EPB41L2: variants seen among roughly 807,000 people sequenced by gnomAD.
The protein encoded by EPB41L2 is band 4.1-like protein 2.
A neutral mutation model predicts 113.0 loss-of-function variants in EPB41L2; 43 were observed. The observed-to-expected ratio is 0.38, with a 90% CI of 0.30 to 0.49. The LOEUF (loss-of-function observed/expected upper bound fraction) is 0.49, where lower values mean the gene tolerates loss of function less well. EPB41L2 is among the 20% of genes least tolerant of loss of function. The pLI is 0.95. For missense variants in EPB41L2, 1,147 were observed against 1,223.4 expected, an observed-to-expected ratio of 0.94 and a Z score of 0.93; for synonymous variants, 442 against 436.7, an observed-to-expected ratio of 1.01 and a Z score of -0.15.
rs199908222 is a variant in EPB41L2, at chr6:131,044,237, GCT to G, written c.-15+18916_-15+18917del. Among the ~76,000 whole-genome samples, 983 of 151,762 alleles carry G rather than the reference GCT, an allele frequency of 6.5e-3. 17 individuals are homozygous for G. Among genetic ancestry groups the G allele is most frequent in the African/African-American group, 0.023 (948 of 41,340 alleles). ...GATGGAGTTTCACCATGTTGCCCCG[GCT>G]GGTCTCAAACTCCTGGGCCGAAGTG... On this transcript the variant is annotated intron_variant, in intron 1 of 19. Coordinates refer to ENST00000337057, the MANE Select transcript of EPB41L2 (RefSeq NM_001431.4).
chr6:131,031,934 C>A (rs1792239624), intron 1 of EPB41L2, among the ~76,000 whole-genome samples: 1 of 152,094 alleles, frequency 6.6e-6, no homozygotes, highest in Admixed American at 6.5e-5. Flanking sequence ...TACACTTACT[C>A]CAAAGTGAAG....
intron 1 of EPB41L2, among the ~76,000 whole-genome samples, chr6:131,052,231 C>T (rs531928494): frequency 3.3e-5 from 5 of 152,228 alleles, no homozygotes; most frequent in African/African-American, 9.6e-5. Context: ...GCCACTGCAC[C>T]CAGCCACTGA....
At position 130,890,323 on chromosome 6, in the gene EPB41L2, C is replaced by T; in HGVS notation, c.1631G>A (p.Ser544Asn). 1 of 1,613,074 alleles carries T rather than the reference C, an allele frequency of 6.2e-7. No homozygotes were observed. Among genetic ancestry groups the T allele is most frequent in the South Asian group, 1.1e-5 (1 of 90,884 alleles). ...RPAPHFERTS[S>N]KRVSRSLDGA... is the part of the protein sequence containing the mutation. ...ATCTAGACTCCTGGAGACCCGTTTA[C>T]TAGAAGTGCGCTCAAAGTGTGGTGC... is the stretch of plus-strand genomic sequence containing the variant. Residue 544 changes from serine to asparagine, a missense_variant, in exon 11 of 20, where the codon AGT (serine) becomes AAT (asparagine). By Grantham distance (46) the Ser-to-Asn change is conservative (BLOSUM62 1). Transcript: ENST00000337057.
At chr6:130,959,058 A>G (rs990514125) in intron 1 of EPB41L2, among the ~76,000 whole-genome samples, 2 of 152,194 alleles carry the variant, frequency 1.3e-5, no homozygotes, top group Non-Finnish European at 2.9e-5. Context: ...GTAAAGAACA[A>G]GAAATTAATC....
intron 4 of EPB41L2, among the ~76,000 whole-genome samples, chr6:130,916,891 C>T (rs922133919): frequency 1.3e-5 from 2 of 152,156 alleles, no homozygotes; most frequent in Non-Finnish European, 2.9e-5. Flanking sequence ...AAATTTCTTT[C>T]TTTTCCTGAA....
chr6:130,878,706 G>A (rs1293773811), intron 13 of EPB41L2: 1 of 153,272 alleles, frequency 6.5e-6, no homozygotes, highest in East Asian at 1.9e-4. Context: ...GTACAAAATA[G>A]AGGAAGGTAG....
At position 130,869,928 on chromosome 6, in the gene EPB41L2, T is replaced by C. The variant is rs747408296; in HGVS notation, c.2242A>G (p.Ser748Gly). The C allele has an allele frequency of 6.2e-7, 1 of 1,613,036 alleles. No homozygotes were observed. The highest frequency in any genetic ancestry group is 8.5e-7 in the Non-Finnish European group (1 of 1,180,028). ...TACTCTCCCACGTCTTCCTCCTCAC[T>C]CTCACTGCTGCTGCTGCTGCTCTCA... ...SSESSSSSSE[S>G]EEEDVGEYRP... The change falls in exon 15 of 20, where the codon AGT becomes GGT. Residue 748 changes from serine (S) to glycine (G), a missense_variant. Transcript: ENST00000337057.
chr6:130,957,419 C>T (rs778224729), intron 1 of EPB41L2, among the ~76,000 whole-genome samples: 3 of 152,218 alleles, frequency 2.0e-5, no homozygotes, highest in African/African-American at 7.2e-5. Flanking sequence ...CGATCACATT[C>T]GCTCTCCCCT....
chr6:130,916,342 T>C (rs902712135), intron 4 of EPB41L2, among the ~76,000 whole-genome samples: 2 of 152,224 alleles, frequency 1.3e-5, no homozygotes, highest in Admixed American at 6.5e-5. Flanking sequence ...CTTATGACAT[T>C]TCCCCTACAA....
chr6:130,948,604 G>T (rs1813753810), intron 3 of EPB41L2, among the ~76,000 whole-genome samples: 1 of 151,942 alleles, frequency 6.6e-6, no homozygotes, highest in Non-Finnish European at 1.5e-5. Flanking sequence ...AAAATAAATG[G>T]TCTAAATTTA....
At chr6:130,935,786 C>G (rs924514262) in intron 3 of EPB41L2, among the ~76,000 whole-genome samples, 32 of 152,288 alleles carry the variant, frequency 2.1e-4, no homozygotes, top group Admixed American at 1.6e-3. Context: ...ACACAAGAAT[C>G]AGCTAGTAGA....
At chr6:131,042,483 T>C (rs959272610) in intron 1 of EPB41L2, among the ~76,000 whole-genome samples, 1 of 152,214 alleles carries the variant, frequency 6.6e-6, no homozygotes, top group African/African-American at 2.4e-5. Flanking sequence ...GATGGTATTA[T>C]TCTGCCCTCT....
intron 1 of EPB41L2, among the ~76,000 whole-genome samples, chr6:130,958,468 C>CAAAAAAAAAAAAAAAAAAA (rs200548809): frequency 5.3e-5 from 6 of 113,876 alleles, no homozygotes; most frequent in Non-Finnish European, 5.6e-5. Flanking sequence ...ACAACAACAA[C>CAAAAAAAAAAAAAAAAAAA]AAAAAAAAAA....
At chr6:131,021,012 G>A (rs916320799) in intron 1 of EPB41L2, among the ~76,000 whole-genome samples, 2 of 151,640 alleles carry the variant, frequency 1.3e-5, no homozygotes, top group African/African-American at 2.4e-5. Context: ...TTCCCAAGCT[G>A]GTCTCAAACT....
At chr6:130,916,666 A>C (rs1486904574) in intron 4 of EPB41L2, among the ~76,000 whole-genome samples, 1 of 152,210 alleles carries the variant, frequency 6.6e-6, no homozygotes, top group East Asian at 1.9e-4. Context: ...GCTCTCTGCT[A>C]CATCAAAAGA....
At chr6:131,034,675 C>T (rs1429562864) in intron 1 of EPB41L2, among the ~76,000 whole-genome samples, 2 of 152,178 alleles carry the variant, frequency 1.3e-5, no homozygotes, top group Admixed American at 6.5e-5. Context: ...TTGAACATGT[C>T]ACTTATCCTC....
intron 4 of EPB41L2, among the ~76,000 whole-genome samples, chr6:130,920,419 C>T (rs1802498582): frequency 6.6e-6 from 1 of 152,160 alleles, no homozygotes. Context: ...CCTCTAGTAT[C>T]ATTCTCCCAT....
chr6:131,039,516 G>A (rs1238757955), intron 1 of EPB41L2, among the ~76,000 whole-genome samples: 1 of 152,172 alleles, frequency 6.6e-6, no homozygotes, highest in Non-Finnish European at 1.5e-5. Context: ...ACTTTACCCT[G>A]TTTTTCCATT....
At chr6:130,999,736 T>C (rs1783951767) in intron 1 of EPB41L2, among the ~76,000 whole-genome samples, 1 of 152,160 alleles carries the variant, frequency 6.6e-6, no homozygotes, top group Non-Finnish European at 1.5e-5. Context: ...TATACAATCC[T>C]CCTGAATCAT....
Sources: gnomAD v4.1 joint callset for allele counts (sites outside exome capture counted in the v4.1 genomes callset) on GRCh38, gnomAD v4.1.1 for gene constraint, MANE v1.5 for transcripts, NCBI Gene and HGNC (gene_info 2026-07-23, HGNC 2026-07-21) for gene names.